Variants in CHD7 observed in about 807,000 individuals in gnomAD.
CHD7 encodes chromodomain helicase DNA binding protein 7, also known as ATP-dependent chromatin remodeler CHD7.
A neutral mutation model predicts 307.3 loss-of-function variants in CHD7; 24 were observed. The observed-to-expected ratio is 0.08, with a 90% CI of 0.06 to 0.11. The LOEUF is 0.11. CHD7 is among the 10% of genes least tolerant of loss of function. CHD7 has a pLI of 1.00. For synonymous variants in CHD7, 1,363 were observed against 1,349.9 expected, an observed-to-expected ratio of 1.01 and a Z score of -0.21; for missense variants, 3,106 against 3,727.1, an observed-to-expected ratio of 0.83 and a Z score of 4.34.
chr8:60,788,516 A>G (rs894610732), intron 3 of CHD7, among the ~76,000 whole-genome samples: 5 of 152,238 alleles, frequency 3.3e-5, no homozygotes, highest in African/African-American at 1.2e-4. Context: ...GTCCATCAGT[A>G]AAACAGAATT....
At chr8:60,736,302 G>A (rs1258005734) in intron 1 of CHD7, among the ~76,000 whole-genome samples, 5 of 152,184 alleles carry the variant, frequency 3.3e-5, no homozygotes, top group African/African-American at 1.2e-4. Context: ...GGGTGGGGCA[G>A]TGGGAGGAGA....
intron 21 of CHD7, among the ~76,000 whole-genome samples, chr8:60,842,996 A>G (rs1455255075): frequency 6.6e-6 from 1 of 151,090 alleles, no homozygotes; most frequent in African/African-American, 2.4e-5. Flanking sequence ...GAGGTGACCT[A>G]CCTCCCTTCT....
At position 60,852,110 on chromosome 8, in the gene CHD7, C is replaced by G. The variant is rs79203206; in HGVS notation, c.5757C>G (p.Ala1919=). ...LTTRLRRLIT[A]YQRSYKRQQM... ...CACGTCTGCGCCGGCTCATTACTGC[C>G]TATCAGCGCAGCTATAAAAGGCAAC... The change falls in exon 29 of 38, where the codon GCC becomes GCG. Residue 1919 remains alanine, a synonymous_variant. Transcript: ENST00000423902. 2.6e-4 allele frequency: 419 copies of G among 1,614,032 alleles called. No homozygotes were observed. In the African/African-American group the frequency reaches 5.1e-3, roughly 20 times the overall value.
chr8:60,745,896 A>G (rs1165166766), intron 2 of CHD7, among the ~76,000 whole-genome samples: 1 of 152,220 alleles, frequency 6.6e-6, no homozygotes, highest in Non-Finnish European at 1.5e-5. Context: ...GGCTTAACAT[A>G]TACCGAGTGC....
At chr8:60,710,049 T>C (rs1171480674) in intron 1 of CHD7, among the ~76,000 whole-genome samples, 1 of 152,118 alleles carries the variant, frequency 6.6e-6, no homozygotes, top group Non-Finnish European at 1.5e-5. Flanking sequence ...CCACTCCATT[T>C]TGGGGGAGAG....
chr8:60,815,740 G>A (rs566515688), intron 7 of CHD7, among the ~76,000 whole-genome samples: 1 of 152,260 alleles, frequency 6.6e-6, no homozygotes, highest in East Asian at 1.9e-4. Flanking sequence ...CACAGTCTGG[G>A]AGACCAGGAA....
intron 1 of CHD7, among the ~76,000 whole-genome samples, chr8:60,706,682 T>G (rs1807036748): frequency 6.6e-6 from 1 of 152,114 alleles, no homozygotes; most frequent in Non-Finnish European, 1.5e-5. Context: ...TATGATTTGG[T>G]GATTTAAGAA....
At chr8:60,702,366 T>TC (rs1263704938) in intron 1 of CHD7, among the ~76,000 whole-genome samples, 2 of 152,312 alleles carry the variant, frequency 1.3e-5, no homozygotes, top group East Asian at 1.9e-4. Context: ...AGACTAGGTA[T>TC]CCCCCCTACT....
chr8:60,863,510 A>C (rs995356087), intron 37 of CHD7: 1 of 152,200 alleles, frequency 6.6e-6, no homozygotes, highest in Non-Finnish European at 1.5e-5. Context: ...TTTTGAAACT[A>C]TGATTAGAGC....
rs569165116 is a variant in CHD7 at position 60,864,952 on chromosome 8, C to T, written c.8077-64C>T. The T allele has an allele frequency of 1.3e-5, 19 of 1,468,140 alleles. No homozygotes were observed. The South Asian group carries it at 1.9e-4, about 15-fold the overall frequency. 90.9% of individuals were successfully genotyped at this position (1,468,140 alleles called of 1,614,324 possible). On this transcript the variant is annotated intron_variant, in intron 37 of 37. Transcript: ENST00000423902. ...GAATGGCAGGTTCACCACAGAGGCT[C>T]ACATTGAGATCAAGTTGTCTTCGAC...
chr8:60,700,570 A>G (rs1415029790), intron 1 of CHD7, among the ~76,000 whole-genome samples: 1 of 152,248 alleles, frequency 6.6e-6, no homozygotes, highest in Admixed American at 6.5e-5. Context: ...AGCAACTATT[A>G]CGTTGCTCAT....
rs1804730828 is a variant in CHD7 at position 60,836,115 on chromosome 8, A to G, written c.3821A>G (p.Asn1274Ser). 2 of 1,613,272 alleles carry G rather than the reference A, an allele frequency of 1.2e-6. No homozygotes were observed. Among genetic ancestry groups the G allele is most frequent in the Non-Finnish European group, 1.7e-6 (2 of 1,179,642 alleles). ...KILEEFKETH[N>S]AESPDFQLQA... ...TTGGAAGAGTTTAAAGAAACACACAATGCAGAGTCTCCAGATTTTCAGCTC... is the reference window on the plus strand; with the variant it reads ...TTGGAAGAGTTTAAAGAAACACACAGTGCAGAGTCTCCAGATTTTCAGCTC... Residue 1274 changes from asparagine to serine, a missense_variant, in exon 16 of 38, where the codon AAT becomes AGT. Coordinates refer to ENST00000423902, the MANE Select transcript of CHD7 (RefSeq NM_017780.4).
intron 18 of CHD7, 117 bp downstream of exon 18, chr8:60,837,952 T>C (rs924683791): frequency 3.2e-6 from 4 of 1,261,522 alleles, no homozygotes; most frequent in Non-Finnish European, 4.3e-6. Context: ...TAAGTGTATT[T>C]TGTAACACTT....
chr8:60,763,880 G>A (rs554616968), intron 2 of CHD7, among the ~76,000 whole-genome samples: 21 of 152,272 alleles, frequency 1.4e-4, no homozygotes, highest in African/African-American at 4.1e-4. Context: ...CTCCCACCCC[G>A]ACCAGTCAGT....
At chr8:60,738,892 C>T (rs914939202) in intron 1 of CHD7, among the ~76,000 whole-genome samples, 1 of 152,088 alleles carries the variant, frequency 6.6e-6, no homozygotes, top group African/African-American at 2.4e-5. Flanking sequence ...AGTAGAAGGG[C>T]GTAGGGAACA....
At chr8:60,759,180 AC>A (rs1031593276) in intron 2 of CHD7, among the ~76,000 whole-genome samples, 99 of 152,022 alleles carry the variant, frequency 6.5e-4, no homozygotes, top group African/African-American at 2.3e-3. Flanking sequence ...AAAATTGAAA[AC>A]CCATTTTTAT....
Position 60,781,278 on chromosome 8 carries a change from G to C in CHD7, c.1944G>C (p.Lys648Asn), listed in dbSNP as rs1306794432. 6.4e-7 allele frequency: 1 copy of C among 1,563,212 alleles called. No homozygotes were observed. Among genetic ancestry groups the C allele is most frequent in the Non-Finnish European group, 8.7e-7 (1 of 1,154,138 alleles). Reference sequence around the variant, plus strand: ...AAAAAAAGAAAAAGAAAAGGTCAAAGGCAAAAAAAGACCCGAAGGAACCGA... The same window carrying C: ...AAAAAAAGAAAAAGAAAAGGTCAAACGCAAAAAAAGACCCGAAGGAACCGA... ...QEEKKKKKRS[K>N]AKKDPKEPKE... The change falls in exon 3 of 38, where the codon AAG (lysine) becomes AAC (asparagine). Residue 648 changes from lysine (K) to asparagine (N), a missense_variant. Around this residue, in one of 10 missense-constraint regions of CHD7, gnomAD observed 998 missense variants for 1,004.5 expected, o/e 0.99. Coordinates refer to ENST00000423902, the MANE Select transcript of CHD7 (RefSeq NM_017780.4).
chr8:60,741,959 G>T lies in CHD7; in HGVS notation c.527G>T (p.Gly176Val). Reference sequence around the variant, plus strand: ...CAGCCACCGCAGCCGGCTCCGTCGGGGCCCCCTGCACAGGGCCACCCTCAG... The same window carrying T: ...CAGCCACCGCAGCCGGCTCCGTCGGTGCCCCCTGCACAGGGCCACCCTCAG... ...QPQPPQPAPS[G>V]PPAQGHPQHM... The change falls in exon 2 of 38, where the codon GGG becomes GTG. Residue 176 changes from glycine (G) to valine (V), a missense_variant. Around this residue, in one of 10 missense-constraint regions of CHD7, gnomAD observed 998 missense variants for 1,004.5 expected, o/e 0.99. Transcript: ENST00000423902. 5 of 1,613,702 alleles carry T rather than the reference G, an allele frequency of 3.1e-6. No individual in the cohort carries two copies. Among genetic ancestry groups the T allele is most frequent in the Non-Finnish European group, 4.2e-6 (5 of 1,179,802 alleles).
intron 3 of CHD7, among the ~76,000 whole-genome samples, chr8:60,788,717 A>G (rs577697156): frequency 5.3e-5 from 8 of 152,174 alleles, no homozygotes; most frequent in Non-Finnish European, 1.2e-4. Context: ...GATTGCAGAC[A>G]TCTGGGCAGC....
Sources: gnomAD v4.1 joint callset for allele counts (sites outside exome capture counted in the v4.1 genomes callset) on GRCh38, gnomAD v4.1.1 for gene constraint, gnomAD v4.1.1 regional missense constraint, MANE v1.5 for transcripts, NCBI Gene and HGNC (gene_info 2026-07-23, HGNC 2026-07-21) for gene names.